ZC2HC1A: variants seen among roughly 807,000 people sequenced by gnomAD.
ZC2HC1A encodes the protein zinc finger C2HC domain-containing protein 1A.
Under a neutral mutation model 40.7 loss-of-function variants are expected in ZC2HC1A, and 28 were observed. The observed-to-expected ratio is 0.69, with a 90% CI of 0.51 to 0.94. ZC2HC1A has a LOEUF of 0.94. Ranked by LOEUF, ZC2HC1A falls within the 40% of genes least tolerant of loss-of-function variation. ZC2HC1A has a pLI of 0.00. For synonymous variants in ZC2HC1A, 129 were observed against 129.2 expected, an observed-to-expected ratio of 1.00 and a Z score of 0.01; for missense variants, 389 against 386.3, an observed-to-expected ratio of 1.01 and a Z score of -0.06.
chr8:78,687,969 TA>T (rs1430670795), intron 4 of ZC2HC1A, among the ~76,000 whole-genome samples: 1 of 144,730 alleles, frequency 6.9e-6, no homozygotes, highest in Non-Finnish European at 1.5e-5. Flanking sequence ...TATTTATATA[TA>T]AATATATATA....
In ZC2HC1A at chr8:78,686,601, T is replaced by G; in HGVS notation, c.345T>G (p.Tyr115Ter). ...TTCCTCCTCCTCCTCCACCTTCTTATGATCCTGGTATTTGGAATATTGTTG... is the reference window on the plus strand; with the variant it reads ...TTCCTCCTCCTCCTCCACCTTCTTAGGATCCTGGTATTTGGAATATTGTTG... ...GKLPPPPPPS[Y>*]DPDYIQCPYC... The change falls in exon 4 of 9, where the codon TAT becomes TAG. Residue 115 changes from tyrosine to a stop codon, truncating the protein, a stop_gained. Transcript: ENST00000263849. LOFTEE classifies it high-confidence loss of function. 1.3e-6 allele frequency: 2 copies of G among 1,509,870 alleles called. No homozygotes were observed. Among genetic ancestry groups the G allele is most frequent in the Non-Finnish European group, 1.8e-6 (2 of 1,130,574 alleles). The allele number at this position is 1,509,870 out of a possible 1,614,324, so 93.5% of individuals were successfully genotyped here.
chr8:78,683,858 C>G (rs1809868346), intron 3 of ZC2HC1A, among the ~76,000 whole-genome samples: 1 of 152,162 alleles, frequency 6.6e-6, no homozygotes, highest in African/African-American at 2.4e-5. Flanking sequence ...ATCATCTTTC[C>G]CAAGTTTAAA....
At chr8:78,677,024 G>A (rs1411810458) in intron 2 of ZC2HC1A, among the ~76,000 whole-genome samples, 1 of 151,960 alleles carries the variant, frequency 6.6e-6, no homozygotes, top group Non-Finnish European at 1.5e-5. Context: ...TAATTACAGT[G>A]CTTGGTTGTT....
intron 7 of ZC2HC1A, among the ~76,000 whole-genome samples, chr8:78,714,691 G>A (rs1811045230): frequency 6.6e-6 from 1 of 152,176 alleles, no homozygotes; most frequent in South Asian, 2.1e-4. Context: ...AGCCCAGGCT[G>A]TGCAGTTGGT....
At chr8:78,673,451 A>C (rs1402395857) in intron 1 of ZC2HC1A, among the ~76,000 whole-genome samples, 1 of 152,194 alleles carries the variant, frequency 6.6e-6, no homozygotes, top group African/African-American at 2.4e-5. Flanking sequence ...TTGCTGGGTC[A>C]AATGGTATTT....
At chr8:78,678,778 A>C in intron 3 of ZC2HC1A, 99 bp downstream of exon 3, 1 of 697,674 alleles carries the variant, frequency 1.4e-6, no homozygotes, top group South Asian at 3.0e-5. Context: ...AAACACAATT[A>C]TCTGCTACAT....
rs1293867625 is a variant in ZC2HC1A, at chr8:78,719,549, TTTTA to T, written c.*2064_*2067del. ...TCTTCCTATGCATCATGTATTTTAT[TTTTA>T]TTTATTTTCACAAGTATTTGACAGT... On this transcript the variant is annotated 3_prime_UTR_variant, in exon 9 of 9. Transcript: ENST00000263849. 1.3e-5 allele frequency: 2 copies of T among 151,856 alleles called. No individual in the cohort carries two copies. Among genetic ancestry groups the T allele is most frequent in the East Asian group, 1.9e-4 (1 of 5,198 alleles). The allele number at this position is 151,856 out of a possible 1,614,324, so 9.4% of individuals were successfully genotyped here.
chr8:78,706,494 TC>T (rs1453396879), intron 7 of ZC2HC1A, among the ~76,000 whole-genome samples: 1 of 152,120 alleles, frequency 6.6e-6, no homozygotes, highest in African/African-American at 2.4e-5. Context: ...GTTGCAAAGA[TC>T]CGTTGGAGAA....
intron 7 of ZC2HC1A, among the ~76,000 whole-genome samples, chr8:78,700,620 AG>A (rs1174711785): frequency 1.3e-5 from 2 of 152,128 alleles, no homozygotes; most frequent in East Asian, 3.8e-4. Flanking sequence ...GTTGTCTTCC[AG>A]GGTTTTTATA....
chr8:78,717,470 G>A lies in ZC2HC1A; in HGVS notation c.955G>A (p.Gly319Ser), dbSNP rs1811143266. 6.3e-7 allele frequency: 1 copy of A among 1,588,658 alleles called. No homozygotes were observed. ...ATGGGCCAAATTTTGCTGTGAATGT[G>A]GCATTCGAAGAATGATTCTATGAAT... is the stretch of plus-strand genomic sequence containing the variant. ...VEWAKFCCEC[G>S]IRRMIL The change falls in exon 9 of 9, where the codon GGC (glycine) becomes AGC (serine). Residue 319 changes from glycine (G) to serine (S), a missense_variant. By Grantham distance (56) the Gly-to-Ser change is moderately conservative (BLOSUM62 0). Transcript: ENST00000263849.
At chr8:78,708,881 G>T (rs1810868653) in intron 7 of ZC2HC1A, among the ~76,000 whole-genome samples, 1 of 151,908 alleles carries the variant, frequency 6.6e-6, no homozygotes, top group Non-Finnish European at 1.5e-5. Context: ...TGTTAGGCTG[G>T]TCTCAAACTT....
chr8:78,706,545 C>T (rs1810776972), intron 7 of ZC2HC1A, among the ~76,000 whole-genome samples: 1 of 152,068 alleles, frequency 6.6e-6, no homozygotes, highest in African/African-American at 2.4e-5. Context: ...CACTGCTTCC[C>T]TGGGCCAGAG....
intron 5 of ZC2HC1A, among the ~76,000 whole-genome samples, chr8:78,691,773 T>C (rs1220129363): frequency 6.6e-6 from 1 of 152,170 alleles, no homozygotes. Flanking sequence ...CCCATATCTA[T>C]GGATATTTTT....
At chr8:78,673,382 G>A (rs1183402311) in intron 1 of ZC2HC1A, among the ~76,000 whole-genome samples, 1 of 152,124 alleles carries the variant, frequency 6.6e-6, no homozygotes, top group Non-Finnish European at 1.5e-5. Context: ...GCATACGTGT[G>A]CATGTGTCTT....
intron 6 of ZC2HC1A, among the ~76,000 whole-genome samples, chr8:78,697,840 A>G (rs952528572): frequency 4.6e-5 from 7 of 151,390 alleles, no homozygotes; most frequent in Admixed American, 1.3e-4. Context: ...CACCATGCCC[A>G]CCTAATTTTT....
intron 3 of ZC2HC1A, among the ~76,000 whole-genome samples, chr8:78,683,264 C>A (rs981010244): frequency 2.6e-5 from 4 of 152,252 alleles, no homozygotes; most frequent in African/African-American, 9.6e-5. Flanking sequence ...TCTTATTTCC[C>A]TTTTGCAGTG....
At chr8:78,695,506 T>G (rs1367819014) in intron 5 of ZC2HC1A, among the ~76,000 whole-genome samples, 1 of 152,192 alleles carries the variant, frequency 6.6e-6, no homozygotes, top group Non-Finnish European at 1.5e-5. Context: ...GATTGTACAG[T>G]TTGAGTGGGT....
intron 3 of ZC2HC1A, among the ~76,000 whole-genome samples, chr8:78,681,624 A>G (rs991647821): frequency 5.9e-5 from 9 of 152,162 alleles, no homozygotes; most frequent in African/African-American, 2.2e-4. Flanking sequence ...TTGATGCTAG[A>G]TTTTTCTTAT....
chr8:78,689,150 G>A (rs1486012788), intron 4 of ZC2HC1A, 72 bp from the exon 5 acceptor site: 1 of 1,187,840 alleles, frequency 8.4e-7, no homozygotes, highest in African/African-American at 1.6e-5. Context: ...TGACTGCATA[G>A]AAACTTAAGA....
Sources: gnomAD v4.1 joint callset for allele counts (sites outside exome capture counted in the v4.1 genomes callset) on GRCh38, gnomAD v4.1.1 for gene constraint, MANE v1.5 for transcripts, NCBI Gene and HGNC (gene_info 2026-07-23, HGNC 2026-07-21) for gene names.